Variants in EXOC6B observed in about 807,000 individuals in gnomAD.
EXOC6B encodes the protein SEC15 homolog B.
EXOC6B carries 54 observed loss-of-function variants against 113.5 expected under a neutral mutation model. The observed-to-expected ratio is 0.48, with a 90% CI of 0.38 to 0.60. The LOEUF is 0.60. EXOC6B is among the 20% of genes least tolerant of loss of function. EXOC6B has a pLI of 0.00. For synonymous variants in EXOC6B, 357 were observed against 339.0 expected, an observed-to-expected ratio of 1.05 and a Z score of -0.58; for missense variants, 797 against 977.5, an observed-to-expected ratio of 0.82 and a Z score of 2.46.
chr2:72,720,350 TA>T (rs1306907349), intron 5 of EXOC6B, among the ~76,000 whole-genome samples: 2 of 152,032 alleles, frequency 1.3e-5, no homozygotes, highest in African/African-American at 4.8e-5. Context: ...TGTCAGGACT[TA>T]AAAAGCATGA....
chr2:72,377,757 C>G (rs948088557), intron 19 of EXOC6B, among the ~76,000 whole-genome samples: 1 of 152,016 alleles, frequency 6.6e-6, no homozygotes, highest in Non-Finnish European at 1.5e-5. Context: ...AGGAGAAATA[C>G]GTGCAAGAGA....
chr2:72,366,948 T>C (rs1690660401), intron 19 of EXOC6B, among the ~76,000 whole-genome samples: 1 of 151,962 alleles, frequency 6.6e-6, no homozygotes, highest in Admixed American at 6.6e-5. Context: ...ATAAAAATGA[T>C]ATCAGATAGA....
At chr2:72,565,349 TAAA>T (rs10672375) in intron 7 of EXOC6B, among the ~76,000 whole-genome samples, 1 of 45,154 alleles carries the variant, frequency 2.2e-5, no homozygotes. Flanking sequence ...AGACCCTGTC[TAAA>T]AAAAAAAAAA....
At chr2:72,224,994 G>GTGTGTGTGTATATA (rs908047817) in intron 20 of EXOC6B, among the ~76,000 whole-genome samples, 2 of 137,254 alleles carry the variant, frequency 1.5e-5, no homozygotes, top group African/African-American at 2.6e-5. Flanking sequence ...GTGTGTGTGT[G>GTGTGTGTGTATATA]TATATATATA....
intron 6 of EXOC6B, among the ~76,000 whole-genome samples, chr2:72,626,551 T>G (rs1672062576): frequency 6.6e-6 from 1 of 152,190 alleles, no homozygotes. Context: ...AGCCGCTCCC[T>G]TTTCTGATCA....
intron 18 of EXOC6B, among the ~76,000 whole-genome samples, chr2:72,382,076 A>G (rs545893809): frequency 6.6e-6 from 1 of 152,362 alleles, no homozygotes; most frequent in Middle Eastern, 3.4e-3. Flanking sequence ...TTAGAGATCA[A>G]GTGGAACAGA....
intron 20 of EXOC6B, among the ~76,000 whole-genome samples, chr2:72,265,806 T>C (rs1394916728): frequency 2.0e-5 from 3 of 152,080 alleles, no homozygotes; most frequent in African/African-American, 4.8e-5. Flanking sequence ...ATTTCTAGTT[T>C]TAGATCCCTG....
At chr2:72,788,200 G>C (rs1264924745) in intron 1 of EXOC6B, among the ~76,000 whole-genome samples, 1 of 152,144 alleles carries the variant, frequency 6.6e-6, no homozygotes, top group African/African-American at 2.4e-5. Context: ...TCATAGGGTT[G>C]TTGTTTTAAA....
At chr2:72,642,818 T>C (rs1484311584) in intron 6 of EXOC6B, among the ~76,000 whole-genome samples, 1 of 150,930 alleles carries the variant, frequency 6.6e-6, no homozygotes, top group Non-Finnish European at 1.5e-5. Context: ...AACATCAGAG[T>C]GAACAGGCAA....
chr2:72,692,734 A>G (rs1456913729), intron 6 of EXOC6B, among the ~76,000 whole-genome samples: 1 of 152,298 alleles, frequency 6.6e-6, no homozygotes, highest in African/African-American at 2.4e-5. Flanking sequence ...TGAAACTCTA[A>G]GATGGTCCTT....
intron 6 of EXOC6B, among the ~76,000 whole-genome samples, chr2:72,681,016 C>G (rs1236484930): frequency 6.6e-6 from 1 of 152,102 alleles, no homozygotes; most frequent in Non-Finnish European, 1.5e-5. Flanking sequence ...CTTCAATCTT[C>G]ACACACACAC....
chr2:72,487,342 T>TTTTTGTTTTG (rs141388449), intron 16 of EXOC6B, among the ~76,000 whole-genome samples: 3 of 151,654 alleles, frequency 2.0e-5, no homozygotes, highest in African/African-American at 7.3e-5. Context: ...CACTGACAGT[T>TTTTTGTTTTG]TTTTGTTTTG....
intron 6 of EXOC6B, among the ~76,000 whole-genome samples, chr2:72,651,445 G>T (rs1674157944): frequency 6.6e-6 from 1 of 152,120 alleles, no homozygotes; most frequent in Non-Finnish European, 1.5e-5. Flanking sequence ...CACCTGAAAG[G>T]AAAACCTCTG....
At chr2:72,754,988 C>T (rs943192050) in intron 1 of EXOC6B, among the ~76,000 whole-genome samples, 1 of 151,956 alleles carries the variant, frequency 6.6e-6, no homozygotes, top group East Asian at 1.9e-4. Flanking sequence ...TATTGAAGCA[C>T]CTAGCCCTAT....
At chr2:72,740,391 G>A (rs1681224595) in intron 2 of EXOC6B, among the ~76,000 whole-genome samples, 1 of 152,120 alleles carries the variant, frequency 6.6e-6, no homozygotes, top group South Asian at 2.1e-4. Flanking sequence ...TGTTTACATA[G>A]AAAACTCAAA....
intron 8 of EXOC6B, among the ~76,000 whole-genome samples, chr2:72,552,639 A>C (rs1446721384): frequency 6.6e-6 from 1 of 152,096 alleles, no homozygotes; most frequent in Admixed American, 6.5e-5. Flanking sequence ...AAGCAACAAC[A>C]AAAAGGAGTT....
rs1233825863 is a variant in EXOC6B, at chr2:72,267,919, TA to T, written c.2196+67027del. Among the ~76,000 whole-genome samples, 3 of 152,142 alleles carry T rather than the reference TA, an allele frequency of 2.0e-5. No homozygotes were observed. In the East Asian group the frequency reaches 5.8e-4, roughly 29 times the overall value. ...TTCTACTTCTAGGTATACTTCTAGGTAAAACTCCCCAAGAAACACTCATATA... is the reference window on the plus strand; with the variant it reads ...TTCTACTTCTAGGTATACTTCTAGGTAAACTCCCCAAGAAACACTCATATA... On this transcript the variant is annotated intron_variant, in intron 20 of 21. Coordinates refer to ENST00000272427, the MANE Select transcript of EXOC6B (RefSeq NM_015189.3).
chr2:72,743,549 C>T (rs987110621), intron 1 of EXOC6B, among the ~76,000 whole-genome samples: 1 of 152,054 alleles, frequency 6.6e-6, no homozygotes, highest in African/African-American at 2.4e-5. Flanking sequence ...CAATCTCTTC[C>T]TCCTCACCGT....
At chr2:72,403,677 G>C (rs1693503289) in intron 18 of EXOC6B, among the ~76,000 whole-genome samples, 2 of 152,260 alleles carry the variant, frequency 1.3e-5, no homozygotes, top group South Asian at 4.1e-4. Flanking sequence ...CTACAGTCCA[G>C]CCTGGGCAAA....
Sources: allele counts gnomAD v4.1 joint callset (sites outside exome capture counted in the v4.1 genomes callset), GRCh38; gene constraint gnomAD v4.1.1; transcripts MANE v1.5; gene names NCBI Gene and HGNC (gene_info 2026-07-23, HGNC 2026-07-21).